CA10: variants seen among roughly 807,000 people sequenced by gnomAD.
CA10 encodes carbonic anhydrase 10 (inactive).
Under a neutral mutation model 44.2 loss-of-function variants are expected in CA10, and 14 were observed. The observed-to-expected ratio is 0.32, with a 90% confidence interval of 0.21 to 0.50. The LOEUF is 0.50. Ranked by LOEUF, CA10 falls within the 20% of genes least tolerant of loss-of-function variation. The pLI, the probability that CA10 is intolerant of heterozygous loss-of-function variation, is 0.99. For missense variants in CA10, 350 were observed against 409.7 expected, an observed-to-expected ratio of 0.85 and a Z score of 1.26; for synonymous variants, 159 against 141.6, an observed-to-expected ratio of 1.12 and a Z score of -0.87.
In CA10 at chr17:52,021,756, T is replaced by A. The variant is rs1598170777; in HGVS notation, c.136+50563A>T. 2.6e-5 allele frequency among the ~76,000 whole-genome samples: 4 copies of A among 152,144 alleles called. No individual in the cohort carries two copies. The South Asian group carries it at 8.3e-4, about 32-fold the overall frequency. On this transcript the variant is annotated intron_variant, in intron 2 of 8. Transcript: ENST00000451037. ...AATCCCACAGAAACACAAAAGTTACTCAGAGATTATTATGAACACCTCTAT... is the reference window on the plus strand; with the variant it reads ...AATCCCACAGAAACACAAAAGTTACACAGAGATTATTATGAACACCTCTAT...
At chr17:51,684,399 G>C (rs1914941489) in intron 4 of CA10, among the ~76,000 whole-genome samples, 1 of 152,210 alleles carries the variant, frequency 6.6e-6, no homozygotes, top group Non-Finnish European at 1.5e-5. Context: ...TAGGAAACCA[G>C]TGCACCCCCA....
At chr17:51,809,692 G>C (rs1207185020) in intron 3 of CA10, among the ~76,000 whole-genome samples, 1 of 152,158 alleles carries the variant, frequency 6.6e-6, no homozygotes, top group Non-Finnish European at 1.5e-5. Flanking sequence ...GGGCTTTATA[G>C]TGGGTAAGAT....
chr17:51,701,217 C>A (rs530045663), intron 4 of CA10, among the ~76,000 whole-genome samples: 2 of 152,186 alleles, frequency 1.3e-5, no homozygotes, highest in East Asian at 3.9e-4. Flanking sequence ...CCTTGGTGTT[C>A]CTCGGCGGGC....
At chr17:51,807,182 T>C (rs188796958) in intron 3 of CA10, among the ~76,000 whole-genome samples, 2 of 152,308 alleles carry the variant, frequency 1.3e-5, no homozygotes, top group East Asian at 1.9e-4. Context: ...GCAATGGTTG[T>C]CTCTAGGAGG....
At position 51,916,463 on chromosome 17, in the gene CA10, C is replaced by T. The variant is rs368253443; in HGVS notation, c.279+14527G>A. Among the ~76,000 whole-genome samples the T allele has an allele frequency of 1.2e-3, 182 of 152,218 alleles. No homozygotes were observed. The South Asian group carries it at 0.018, about 15-fold the overall frequency. ...GATCTGGTGGGAGGTAATTGAATCA[C>T]GGGAATGGGTCTTTCCCATGGTATT... On this transcript the variant is annotated intron_variant, in intron 3 of 8. Coordinates refer to ENST00000451037, the MANE Select transcript of CA10 (RefSeq NM_020178.5).
chr17:51,845,551 C>T (rs973776066), intron 3 of CA10, among the ~76,000 whole-genome samples: 19 of 152,296 alleles, frequency 1.2e-4, no homozygotes, highest in African/African-American at 3.9e-4. Context: ...TGAGCATTGA[C>T]GTAATTTTTA....
chr17:51,753,071 G>A (rs754792569), intron 3 of CA10, among the ~76,000 whole-genome samples: 4 of 152,186 alleles, frequency 2.6e-5, no homozygotes, highest in African/African-American at 9.7e-5. Context: ...ATAATTGGAT[G>A]CTAGCCTGCT....
chr17:51,908,950 T>TTGG (rs1981677753), intron 3 of CA10, among the ~76,000 whole-genome samples: 1 of 152,120 alleles, frequency 6.6e-6, no homozygotes, highest in South Asian at 2.1e-4. Flanking sequence ...AATAGGCCAC[T>TTGG]CTCACTGAAT....
chr17:51,751,731 G>A (rs556376158), intron 3 of CA10, among the ~76,000 whole-genome samples: 2 of 152,306 alleles, frequency 1.3e-5, no homozygotes, highest in African/African-American at 4.8e-5. Flanking sequence ...TAAGGTGCTA[G>A]ACATGAGGAG....
At chr17:51,913,699 T>C (rs1041916211) in intron 3 of CA10, among the ~76,000 whole-genome samples, 1 of 152,020 alleles carries the variant, frequency 6.6e-6, no homozygotes, top group African/African-American at 2.4e-5. Flanking sequence ...AGGAAACATA[T>C]GTCTCCCAGG....
At chr17:51,846,828 T>C (rs112509540) in intron 3 of CA10, among the ~76,000 whole-genome samples, 1 of 152,194 alleles carries the variant, frequency 6.6e-6, no homozygotes, top group Admixed American at 6.6e-5. Flanking sequence ...AAGTACATGA[T>C]GGGAGGCAGG....
intron 4 of CA10, among the ~76,000 whole-genome samples, chr17:51,659,462 T>C (rs990121930): frequency 2.6e-5 from 4 of 152,144 alleles, no homozygotes; most frequent in Non-Finnish European, 5.9e-5. Flanking sequence ...CTCTTATATA[T>C]CTATGTATAT....
chr17:51,659,788 T>C (rs1371627538), intron 4 of CA10, among the ~76,000 whole-genome samples: 1 of 152,208 alleles, frequency 6.6e-6, no homozygotes, highest in Non-Finnish European at 1.5e-5. Flanking sequence ...CTCTGAGAGA[T>C]AGTGGCAGAG....
chr17:52,053,697 C>T (rs747816155), intron 2 of CA10, among the ~76,000 whole-genome samples: 8 of 151,866 alleles, frequency 5.3e-5, no homozygotes, highest in South Asian at 2.1e-4. Context: ...ATACATGTTG[C>T]GGGAAGTCAG....
rs1400841248 is a variant in CA10, at chr17:51,961,524, G to A, written c.137-30392C>T. On this transcript the variant is annotated intron_variant, in intron 2 of 8. Transcript: ENST00000451037. ...GATAGAGTCAATGAAATCAAAAGGT[G>A]GTTTGTTGAAAAGGTCAATAAAATT... is the stretch of plus-strand genomic sequence containing the variant. Among the ~76,000 whole-genome samples the A allele has an allele frequency of 2.0e-5, 3 of 151,980 alleles. No homozygotes were observed. The South Asian group carries it at 6.2e-4, about 32-fold the overall frequency.
intron 4 of CA10, among the ~76,000 whole-genome samples, chr17:51,680,151 G>C (rs1914793686): frequency 6.6e-6 from 1 of 152,190 alleles, no homozygotes; most frequent in African/African-American, 2.4e-5. Context: ...TTTCAAGAGA[G>C]AGGGAAAGAT....
At chr17:52,010,651 C>A (rs955644431) in intron 2 of CA10, among the ~76,000 whole-genome samples, 1 of 151,844 alleles carries the variant, frequency 6.6e-6, no homozygotes, top group African/African-American at 2.4e-5. Context: ...GGATAAAAGA[C>A]TGCACATTGG....
chr17:52,034,954 CAG>C (rs1197515656), intron 2 of CA10, among the ~76,000 whole-genome samples: 1 of 152,062 alleles, frequency 6.6e-6, no homozygotes, highest in African/African-American at 2.4e-5. Flanking sequence ...TAGAAGCAAT[CAG>C]AGATATCACA....
chr17:51,695,787 T>A (rs1176350932), intron 4 of CA10, among the ~76,000 whole-genome samples: 1 of 152,222 alleles, frequency 6.6e-6, no homozygotes, highest in Non-Finnish European at 1.5e-5. Context: ...TTCAGTATAA[T>A]GTTGGCTGTG....
Sources: allele counts gnomAD v4.1 joint callset (sites outside exome capture counted in the v4.1 genomes callset), GRCh38; gene constraint gnomAD v4.1.1; transcripts MANE v1.5; gene names NCBI Gene and HGNC (gene_info 2026-07-23, HGNC 2026-07-21).